Variants in PRSS23 observed in about 807,000 individuals in gnomAD.
The protein encoded by PRSS23 is serine protease 23.
In PRSS23, 25 loss-of-function variants were observed where a neutral mutation model predicts 34.7. That is an observed-to-expected ratio of 0.72 (90% CI 0.53 to 1.01). The LOEUF is 1.01. PRSS23 is among the 50% of genes least tolerant of loss of function. PRSS23 has a pLI of 0.00. For synonymous variants in PRSS23, 176 were observed against 186.6 expected (o/e 0.94, Z 0.46); for missense variants, 445 against 475.6 (o/e 0.94, Z 0.60).
chr11:86,884,627 T>A (rs1486241412), intron 2 of PRSS23, among the ~76,000 whole-genome samples: 2 of 152,200 alleles, frequency 1.3e-5, no homozygotes, highest in Non-Finnish European at 2.9e-5. Flanking sequence ...ATTATATGAT[T>A]TTCTTTCTCA....
intron 2 of PRSS23, among the ~76,000 whole-genome samples, chr11:86,868,359 T>C (rs938772582): frequency 1.3e-5 from 2 of 151,960 alleles, no homozygotes; most frequent in Admixed American, 1.3e-4. Flanking sequence ...ATAGCAAGTA[T>C]GGATGATGGA....
chr11:86,842,778 C>G (rs910383814), intron 2 of PRSS23, among the ~76,000 whole-genome samples: 2 of 152,090 alleles, frequency 1.3e-5, no homozygotes, highest in African/African-American at 4.8e-5. Context: ...AAGAGGACGC[C>G]AAGAAACGGA....
At chr11:86,887,790 G>T (rs1948813030) in intron 2 of PRSS23, among the ~76,000 whole-genome samples, 1 of 152,144 alleles carries the variant, frequency 6.6e-6, no homozygotes, top group Non-Finnish European at 1.5e-5. Flanking sequence ...AGTGGCTCAT[G>T]CCTGTAAACC....
intron 2 of PRSS23, among the ~76,000 whole-genome samples, chr11:86,924,237 G>C (rs1455308364): frequency 6.6e-6 from 1 of 152,102 alleles, no homozygotes; most frequent in African/African-American, 2.4e-5. Flanking sequence ...CAGAAAGGTC[G>C]GCACCTGAGA....
chr11:86,918,885 T>C (rs764496132), intron 2 of PRSS23, among the ~76,000 whole-genome samples: 2 of 152,218 alleles, frequency 1.3e-5, no homozygotes, highest in Non-Finnish European at 2.9e-5. Context: ...GAATTTATTA[T>C]TATTTTAATA....
intron 1 of PRSS23, chr11:86,821,246 A>G (rs1948249438): frequency 3.8e-6 from 2 of 531,444 alleles, no homozygotes; most frequent in Non-Finnish European, 6.3e-6. Context: ...ATTCATCACA[A>G]ATTTAGTAAT....
chr11:86,859,897 C>A (rs566897376), intron 2 of PRSS23, among the ~76,000 whole-genome samples: 2 of 151,756 alleles, frequency 1.3e-5, no homozygotes, highest in Admixed American at 1.3e-4. Flanking sequence ...GATATTACTC[C>A]AAATATTGCA....
upstream of PRSS23, among the ~76,000 whole-genome samples, chr11:86,797,052 C>A (rs11605575): frequency 0.085 from 12,872 of 152,326 alleles, 784 homozygotes; most frequent in Non-Finnish European, 0.12. Context: ...TGCTTTCTCT[C>A]CCTGACAGCC....
chr11:86,819,667 C>T (rs1214154562), intron 1 of PRSS23, among the ~76,000 whole-genome samples: 1 of 152,156 alleles, frequency 6.6e-6, no homozygotes, highest in Non-Finnish European at 1.5e-5. Context: ...TATAGACACT[C>T]TCTCAGTATA....
intron 2 of PRSS23, among the ~76,000 whole-genome samples, chr11:86,840,039 T>A (rs1948436037): frequency 6.6e-6 from 1 of 151,986 alleles, no homozygotes; most frequent in East Asian, 1.9e-4. Context: ...GAAACTGCAT[T>A]AATTAATGGA....
intron 2 of PRSS23, among the ~76,000 whole-genome samples, chr11:86,879,536 G>T (rs1183748393): frequency 1.4e-5 from 2 of 139,524 alleles, no homozygotes; most frequent in Admixed American, 7.0e-5. Flanking sequence ...CGCCCCGTCC[G>T]GGAGGGAGGT....
chr11:86,900,781 CTTTT>C (rs60869425), intron 2 of PRSS23, among the ~76,000 whole-genome samples: 2 of 94,020 alleles, frequency 2.1e-5, no homozygotes, highest in African/African-American at 8.9e-5. Flanking sequence ...ATCTCTCTCT[CTTTT>C]TTTTTTTTTT....
intron 2 of PRSS23, among the ~76,000 whole-genome samples, chr11:86,856,822 A>G (rs1948574819): frequency 6.6e-6 from 1 of 152,190 alleles, no homozygotes; most frequent in Non-Finnish European, 1.5e-5. Context: ...CTGAGAAACT[A>G]AAGGAGGCCG....
chr11:86,858,879 C>A (rs147258330), intron 2 of PRSS23, among the ~76,000 whole-genome samples: 31 of 151,622 alleles, frequency 2.0e-4, no homozygotes, highest in African/African-American at 7.5e-4. Flanking sequence ...GTACACCCAC[C>A]CCCTGTGATA....
chr11:86,813,230 A>T (rs1040816610), downstream of PRSS23, among the ~76,000 whole-genome samples: 6 of 152,218 alleles, frequency 3.9e-5, no homozygotes, highest in Non-Finnish European at 7.3e-5. Flanking sequence ...AGATGCTTCA[A>T]GCCCAGTCAT....
At chr11:86,833,698 G>A (rs115282213) in intron 2 of PRSS23, among the ~76,000 whole-genome samples, 58 of 152,092 alleles carry the variant, frequency 3.8e-4, no homozygotes, top group African/African-American at 1.2e-3. Context: ...CTTATTGGTC[G>A]GGCGTGAGCT....
intron 2 of PRSS23, among the ~76,000 whole-genome samples, chr11:86,862,298 G>A (rs114072674): frequency 0.011 from 1,661 of 151,748 alleles, 29 homozygotes; most frequent in African/African-American, 0.035. Flanking sequence ...GTGACAGCGG[G>A]TGTACATCCT....
intron 2 of PRSS23, among the ~76,000 whole-genome samples, chr11:86,902,235 C>G (rs1736904076): frequency 6.6e-6 from 1 of 152,180 alleles, no homozygotes; most frequent in African/African-American, 2.4e-5. Flanking sequence ...GGGACATTCT[C>G]TACAACCCCT....
chr11:86,914,327 A>T (rs960205737), intron 2 of PRSS23, among the ~76,000 whole-genome samples: 1 of 152,028 alleles, frequency 6.6e-6, no homozygotes, highest in Non-Finnish European at 1.5e-5. Flanking sequence ...GGTCCAAAAA[A>T]CTCCCATTGG....
Sources: allele counts gnomAD v4.1 joint callset (sites outside exome capture counted in the v4.1 genomes callset), GRCh38; gene constraint gnomAD v4.1.1; transcripts MANE v1.5; gene names NCBI Gene and HGNC (gene_info 2026-07-23, HGNC 2026-07-21).